MYLIP: variants seen among roughly 807,000 people sequenced by gnomAD.
The protein encoded by MYLIP is E3 ubiquitin-protein ligase MYLIP.
In MYLIP, 26 loss-of-function variants were observed where a neutral mutation model predicts 45.8. That is an observed-to-expected ratio of 0.57 (90% CI 0.42 to 0.79). MYLIP has a LOEUF of 0.79. Among genes scored for constraint, MYLIP ranks in the 30% least tolerant of loss-of-function variants. The pLI, the probability that MYLIP is intolerant of heterozygous loss-of-function variation, is 0.00. For synonymous variants in MYLIP, 213 were observed against 218.1 expected, an observed-to-expected ratio of 0.98 and a Z score of 0.21; for missense variants, 494 against 555.6, an observed-to-expected ratio of 0.89 and a Z score of 1.11.
chr6:16,157,658 A>C, the MYLIP span, among the ~76,000 whole-genome samples: 2 of 152,234 alleles, frequency 1.3e-5, no homozygotes, highest in African/African-American at 4.8e-5. Context: ...GACTGGATTG[A>C]AGAGCCGGCC....
the MYLIP span, among the ~76,000 whole-genome samples, chr6:16,154,468 G>C: frequency 1.3e-5 from 2 of 152,254 alleles, no homozygotes; most frequent in South Asian, 2.1e-4. Context: ...CAGGCACAGA[G>C]AGCTGGAGTG....
chr6:16,142,145 T>A (rs1411633059), intron 3 of MYLIP, among the ~76,000 whole-genome samples: 1 of 152,232 alleles, frequency 6.6e-6, no homozygotes, highest in Non-Finnish European at 1.5e-5. Flanking sequence ...CATAGAGCTA[T>A]CAAATGTATA....
At chr6:16,153,768 A>G in the MYLIP span, among the ~76,000 whole-genome samples, 1 of 152,318 alleles carries the variant, frequency 6.6e-6, no homozygotes, top group African/African-American at 2.4e-5. Context: ...TCATCCCTAC[A>G]TATGAGGTGT....
chr6:16,153,683 A>G, the MYLIP span, among the ~76,000 whole-genome samples: 1 of 152,288 alleles, frequency 6.6e-6, no homozygotes, highest in Admixed American at 6.5e-5. Flanking sequence ...GCGGGCCAGG[A>G]GAGTGTGTGT....
At chr6:16,158,551 A>G in the MYLIP span, among the ~76,000 whole-genome samples, 2 of 152,238 alleles carry the variant, frequency 1.3e-5, no homozygotes, top group African/African-American at 4.8e-5. Context: ...TTCAGGAAGC[A>G]GAGTGGTCAC....
chr6:16,157,408 C>G, the MYLIP span, among the ~76,000 whole-genome samples: 2 of 152,262 alleles, frequency 1.3e-5, no homozygotes, highest in African/African-American at 2.4e-5. Context: ...TTATCACTAT[C>G]TGGCTTACTA....
chr6:16,161,006 C>A, the MYLIP span: 1 of 155,564 alleles, frequency 6.4e-6, no homozygotes, highest in East Asian at 1.9e-4. Context: ...AGGCGAGTGA[C>A]CACATCCACA....
chr6:16,132,184 G>A (rs187644675), intron 2 of MYLIP, among the ~76,000 whole-genome samples: 25 of 152,302 alleles, frequency 1.6e-4, no homozygotes, highest in Admixed American at 1.6e-3. Flanking sequence ...GAAGCTTGGA[G>A]TACCAAATAA....
chr6:16,150,127 T>A (rs113816597), downstream of MYLIP, among the ~76,000 whole-genome samples: 113 of 152,226 alleles, frequency 7.4e-4, no homozygotes, highest in Non-Finnish European at 5.6e-4. Flanking sequence ...TGAGCATGCG[T>A]CCCTGAAAGG....
downstream of MYLIP, among the ~76,000 whole-genome samples, chr6:16,150,813 A>G (rs1759868746): frequency 6.6e-6 from 1 of 152,218 alleles, no homozygotes; most frequent in African/African-American, 2.4e-5. Flanking sequence ...TCAGTGAAAA[A>G]GGGAGTTATT....
the MYLIP span, chr6:16,161,264 C>A: frequency 2.7e-6 from 1 of 367,050 alleles, no homozygotes. Context: ...TACACCCAGA[C>A]CTTCAGCCTT....
the MYLIP span, chr6:16,161,221 C>A: frequency 1.0e-4 from 30 of 299,260 alleles, no homozygotes; most frequent in Admixed American, 9.1e-4. Flanking sequence ...TTGCTGTGTT[C>A]CGAATCATCC....
intron 2 of MYLIP, among the ~76,000 whole-genome samples, chr6:16,140,215 G>A (rs1178261568): frequency 6.6e-6 from 1 of 152,202 alleles, no homozygotes; most frequent in African/African-American, 2.4e-5. Flanking sequence ...ACAAGTCATC[G>A]AAGGAAGGTT....
At chr6:16,158,131 A>G in the MYLIP span, among the ~76,000 whole-genome samples, 1 of 152,200 alleles carries the variant, frequency 6.6e-6, no homozygotes, top group East Asian at 1.9e-4. Flanking sequence ...GTGAAAGCTC[A>G]GGCTGTCAGG....
the MYLIP span, among the ~76,000 whole-genome samples, chr6:16,155,165 G>A: frequency 6.6e-6 from 1 of 152,156 alleles, no homozygotes; most frequent in Admixed American, 6.5e-5. Flanking sequence ...GAGAATTCAT[G>A]CACATCCTTC....
At chr6:16,159,844 G>A in the MYLIP span, among the ~76,000 whole-genome samples, 6 of 152,236 alleles carry the variant, frequency 3.9e-5, no homozygotes, top group Admixed American at 1.3e-4. Flanking sequence ...AGAAACCATC[G>A]GGGCTACCAC....
At chr6:16,144,494 G>A (rs138217144) in intron 5 of MYLIP, among the ~76,000 whole-genome samples, 13 of 152,306 alleles carry the variant, frequency 8.5e-5, no homozygotes, top group African/African-American at 2.6e-4. Flanking sequence ...AATTTAAGTC[G>A]TAGACAACTT....
chr6:16,135,753 A>ATATATATATATATATATATT (rs1304662490), intron 2 of MYLIP, among the ~76,000 whole-genome samples: 1 of 103,724 alleles, frequency 9.6e-6, no homozygotes. Context: ...GTATACATAT[A>ATATATATATATATATATATT]TCTATATATA....
At chr6:16,157,684 T>A in the MYLIP span, among the ~76,000 whole-genome samples, 1 of 152,260 alleles carries the variant, frequency 6.6e-6, no homozygotes, top group Non-Finnish European at 1.5e-5. Flanking sequence ...GGTTTGGCTA[T>A]GTACATCTCC....
Sources: gnomAD v4.1 joint callset for allele counts (sites outside exome capture counted in the v4.1 genomes callset) on GRCh38, gnomAD v4.1.1 for gene constraint, MANE v1.5 for transcripts, NCBI Gene and HGNC (gene_info 2026-07-23, HGNC 2026-07-21) for gene names.